The following TRPM7 variants were observed in gnomAD, a reference collection of about 807,000 sequenced individuals.
TRPM7 encodes the protein LTRPC ion channel family member 7.
Under a neutral mutation model 229.7 loss-of-function variants are expected in TRPM7, and 134 were observed. That is an observed-to-expected ratio of 0.58 (90% CI 0.51 to 0.67). The LOEUF is 0.67. Ranked by LOEUF, TRPM7 falls within the 30% of genes least tolerant of loss-of-function variation. The probability of loss-of-function intolerance (pLI) is 0.00; values close to 1 mark genes in which losing one functional copy is unlikely to be tolerated. For missense variants in TRPM7, 1,901 were observed against 2,210.0 expected (o/e 0.86, Z 2.80); for synonymous variants, 699 against 715.2 (o/e 0.98, Z 0.36).
intron 5 of TRPM7, among the ~76,000 whole-genome samples, chr15:50,641,976 G>A (rs1462041722): frequency 1.3e-5 from 2 of 149,006 alleles, no homozygotes; most frequent in African/African-American, 4.9e-5. Context: ...CTCCAGCCTG[G>A]GTGACAGCAA....
chr15:50,675,828 G>C (rs2140969590), intron 1 of TRPM7, among the ~76,000 whole-genome samples: 1 of 152,312 alleles, frequency 6.6e-6, no homozygotes, highest in African/African-American at 2.4e-5. Flanking sequence ...GTAGAGCAGG[G>C]AATCTTAAAG....
In TRPM7 at chr15:50,634,469, C is replaced by G; in HGVS notation, c.920G>C (p.Ser307Thr). Residue 307 changes from serine (S) to threonine (T), a missense_variant, in exon 8 of 39, where the codon AGC becomes ACC. Transcript: ENST00000646667. ...ILTVLEYLQE[S>T]PPVPVVVCEG... The stretch of plus-strand genomic sequence containing the variant: ...ACACACAACTACTGGAACAGGGGGG[C>G]TTTCCTGAAGGTATTCAAGAACTGT... 2 of 1,584,850 alleles carry G rather than the reference C, an allele frequency of 1.3e-6. No individual in the cohort carries two copies. The highest frequency in any genetic ancestry group is 2.4e-5 in the East Asian group (1 of 42,002).
At chr15:50,638,703 T>TGTATGTATGTATGTAC (rs2060998345) in intron 6 of TRPM7, among the ~76,000 whole-genome samples, 1 of 152,034 alleles carries the variant, frequency 6.6e-6, no homozygotes, top group South Asian at 2.1e-4. Context: ...TATGTATGTA[T>TGTATGTATGTATGTAC]GAGATGGAGT....
intron 28 of TRPM7, among the ~76,000 whole-genome samples, chr15:50,583,467 C>T (rs746137815): frequency 6.6e-6 from 1 of 152,074 alleles, no homozygotes; most frequent in African/African-American, 2.4e-5. Flanking sequence ...GCATATTCTT[C>T]CTGGGATATT....
intron 21 of TRPM7, among the ~76,000 whole-genome samples, chr15:50,602,621 T>C (rs528103415): frequency 1.3e-5 from 2 of 152,354 alleles, no homozygotes; most frequent in African/African-American, 4.8e-5. Context: ...TCTGTTCACA[T>C]GTCTATATTT....
At position 50,678,859 on chromosome 15, in the gene TRPM7, C is replaced by T. The variant is rs541559264; in HGVS notation, c.3+7672G>A. On this transcript the variant is annotated intron_variant, in intron 1 of 38. Coordinates refer to ENST00000646667, the MANE Select transcript of TRPM7 (RefSeq NM_017672.6). ...AACCTGGGCAACAGAGTGAGAAACC[C>T]ATCTTTGCAAAAACAAAAAAAAAAA... Among the ~76,000 whole-genome samples the T allele has an allele frequency of 4.9e-5, 7 of 143,688 alleles. No homozygotes were observed. The South Asian group carries it at 1.6e-3, about 33-fold the overall frequency. The allele number at this position is 143,688 out of a possible 152,430, so 94.3% of individuals were successfully genotyped here. A position where few individuals can be genotyped will look rare whatever the true frequency, so the allele number is the denominator to read the frequency against.
At chr15:50,676,388 A>C (rs2062094190) in intron 1 of TRPM7, among the ~76,000 whole-genome samples, 5 of 152,098 alleles carry the variant, frequency 3.3e-5, no homozygotes, top group Admixed American at 2.0e-4. Context: ...TATTAGGCTA[A>C]CCATCCCTCA....
intron 38 of TRPM7, among the ~76,000 whole-genome samples, chr15:50,563,108 C>T (rs1179877034): frequency 1.3e-5 from 2 of 152,176 alleles, no homozygotes; most frequent in African/African-American, 4.8e-5. Context: ...AGATTGTCAA[C>T]TACAGATTGT....
chr15:50,628,068 A>T, intron 11 of TRPM7, 81 bp downstream of exon 11: 1 of 971,866 alleles, frequency 1.0e-6, no homozygotes, highest in South Asian at 1.5e-5. Context: ...TAAAATGTCA[A>T]GTCAGGTCAC....
chr15:50,634,685 CATA>C, intron 7 of TRPM7, 129 bp from the exon 8 acceptor site: 1 of 679,226 alleles, frequency 1.5e-6, no homozygotes, highest in Non-Finnish European at 2.2e-6. Context: ...AAAGTAAAAA[CATA>C]ATTTCTAAGA....
At chr15:50,581,867 T>C (rs1001926197) in intron 29 of TRPM7, among the ~76,000 whole-genome samples, 1 of 152,304 alleles carries the variant, frequency 6.6e-6, no homozygotes, top group African/African-American at 2.4e-5. Flanking sequence ...CATCTGACTA[T>C]GTAGTTTATC....
At chr15:50,616,639 C>G (rs2060229319) in intron 13 of TRPM7, among the ~76,000 whole-genome samples, 1 of 150,994 alleles carries the variant, frequency 6.6e-6, no homozygotes. Context: ...TAGACTGTGG[C>G]AATGGTTGTA....
chr15:50,668,934 T>G (rs193289593), intron 1 of TRPM7, among the ~76,000 whole-genome samples: 1 of 152,308 alleles, frequency 6.6e-6, no homozygotes, highest in East Asian at 1.9e-4. Flanking sequence ...GGAATCAAAC[T>G]TGACTTGTAG....
At chr15:50,637,180 GC>G (rs2060933443) in intron 7 of TRPM7, among the ~76,000 whole-genome samples, 1 of 151,006 alleles carries the variant, frequency 6.6e-6, no homozygotes. Flanking sequence ...AAATGGAATT[GC>G]AATAACAACA....
intron 19 of TRPM7, among the ~76,000 whole-genome samples, chr15:50,609,133 A>G (rs2059996270): frequency 6.6e-6 from 1 of 152,236 alleles, no homozygotes; most frequent in South Asian, 2.1e-4. Context: ...GAAATAAGCC[A>G]CAGATAAATA....
At position 50,575,879 on chromosome 15, in the gene TRPM7, G is replaced by C; in HGVS notation, c.4659C>G (p.Tyr1553Ter). 6.2e-7 allele frequency: 1 copy of C among 1,613,250 alleles called. No homozygotes were observed. Among genetic ancestry groups the C allele is most frequent in the African/African-American group, 1.3e-5 (1 of 75,008 alleles). ...SPFKPAMDTN[Y>*]YYSAVERNNL... The stretch of plus-strand genomic sequence containing the variant: ...TTTAATATTACTGACCTGAATAATA[G>C]TAATTTGTATCCATAGCTGGCTTAA... The change falls in exon 32 of 39, where the codon TAC (tyrosine) becomes TAG (stop). Residue 1553 changes from tyrosine to a stop codon, truncating the protein, a stop_gained. Transcript: ENST00000646667. LOFTEE classifies it high-confidence loss of function.
At position 50,652,328 on chromosome 15, in the gene TRPM7, C is replaced by CAAAAAAAAAAAAAAAAAAAAAA. The variant is rs34122648; in HGVS notation, c.123-3465_123-3444dup. On this transcript the variant is annotated intron_variant, in intron 3 of 38. Transcript: ENST00000646667. The stretch of plus-strand genomic sequence containing the variant: ...AGCCTGGCTGAGTGAGACTCCATCT[C>CAAAAAAAAAAAAAAAAAAAAAA]AAAAAAAAAAAAAAAAAAAAAAAAA... 8.8e-5 allele frequency among the ~76,000 whole-genome samples: 3 copies of CAAAAAAAAAAAAAAAAAAAAAA among 34,228 alleles called. 1 individual carries two copies. The highest frequency in any genetic ancestry group is 2.9e-4 in the African/African-American group (2 of 6,972). 22.5% of individuals were successfully genotyped at this position (34,228 alleles called of 152,430 possible).
At position 50,557,826 on chromosome 15, in the gene TRPM7, T is replaced by C. The variant is rs936683505; in HGVS notation, c.*3852A>G. ...ACCCAGATAATTTTTGTATTTTTAG[T>C]AGAGACGGGGTTTCACCATGTTGGC... is the stretch of plus-strand genomic sequence containing the variant. On this transcript the variant is annotated 3_prime_UTR_variant, in exon 39 of 39. Coordinates refer to ENST00000646667, the MANE Select transcript of TRPM7 (RefSeq NM_017672.6). The C allele has an allele frequency of 2.6e-5, 4 of 152,262 alleles. No homozygotes were observed. Among genetic ancestry groups the C allele is most frequent in the African/African-American group, 9.7e-5 (4 of 41,448 alleles). 9.4% of individuals were successfully genotyped at this position (152,262 alleles called of 1,614,324 possible).
intron 24 of TRPM7, among the ~76,000 whole-genome samples, chr15:50,594,180 G>A (rs540993035): frequency 1.3e-5 from 2 of 152,246 alleles, no homozygotes; most frequent in East Asian, 1.9e-4. Flanking sequence ...GAACAACAAA[G>A]AAGTTCGGTT....
Sources: allele counts gnomAD v4.1 joint callset (sites outside exome capture counted in the v4.1 genomes callset), GRCh38; gene constraint gnomAD v4.1.1; transcripts MANE v1.5; gene names NCBI Gene and HGNC (gene_info 2026-07-23, HGNC 2026-07-21).